The following MBD5 variants were observed in gnomAD, a reference collection of about 807,000 sequenced individuals.
MBD5 encodes methyl-CpG binding domain protein 5, also known as methyl-CpG-binding domain protein 5.
A neutral mutation model predicts 117.3 loss-of-function variants in MBD5; 13 were observed. That is an observed-to-expected ratio of 0.11 (90% CI 0.07 to 0.18). MBD5 has a LOEUF of 0.18. Ranked by LOEUF, MBD5 falls within the 10% of genes least tolerant of loss-of-function variation. The pLI, the probability that MBD5 is intolerant of heterozygous loss-of-function variation, is 1.00. For missense variants in MBD5, 1,879 were observed against 2,093.8 expected (o/e 0.90, Z 2.00); for synonymous variants, 727 against 766.4 (o/e 0.95, Z 0.85).
intron 4 of MBD5, among the ~76,000 whole-genome samples, chr2:148,366,678 C>A (rs910761110): frequency 6.6e-6 from 1 of 152,022 alleles, no homozygotes; most frequent in African/African-American, 2.4e-5. Flanking sequence ...TCCTATACAC[C>A]AATAATAAAC....
intron 1 of MBD5, among the ~76,000 whole-genome samples, chr2:148,057,415 G>GT (rs915480375): frequency 3.3e-5 from 5 of 149,528 alleles, no homozygotes; most frequent in African/African-American, 9.8e-5. Flanking sequence ...TAAGGTTTTT[G>GT]TTTTTTTTAG....
At chr2:148,460,094 C>A (rs1386542146) in intron 5 of MBD5, 4 of 152,086 alleles carry the variant, frequency 2.6e-5, no homozygotes, top group Non-Finnish European at 5.9e-5. Flanking sequence ...AGCAAGTTAT[C>A]TGTGTTATAT....
rs767622325 is a variant in MBD5 at position 148,468,523 on chromosome 2, C to T, written c.580C>T (p.Leu194Phe). Residue 194 changes from leucine to phenylalanine, a missense_variant, in exon 8 of 14, where the codon CTC (leucine) becomes TTC (phenylalanine). By Grantham distance (22) the Leu-to-Phe change is conservative. Transcript: ENST00000642680. Reference sequence around the variant, plus strand: ...ACTGCCTGGAAGCCAACAACAAGAACTCCACCCTGTCTACCCCCGACAGAG... The same window carrying T: ...ACTGCCTGGAAGCCAACAACAAGAATTCCACCCTGTCTACCCCCGACAGAG... ...QELPGSQQQE[L>F]HPVYPRQRLG... 1 of 1,613,908 alleles carries T rather than the reference C, an allele frequency of 6.2e-7. No individual in the cohort carries two copies. The highest frequency in any genetic ancestry group is 8.5e-7 in the Non-Finnish European group (1 of 1,179,886).
chr2:148,118,354 A>G (rs1162022326), intron 1 of MBD5, among the ~76,000 whole-genome samples: 1 of 152,058 alleles, frequency 6.6e-6, no homozygotes, highest in Non-Finnish European at 1.5e-5. Context: ...TCATGCATGC[A>G]GTCCCATCTA....
chr2:148,279,548 C>T (rs1329105685), intron 3 of MBD5, among the ~76,000 whole-genome samples: 1 of 152,190 alleles, frequency 6.6e-6, no homozygotes, highest in Non-Finnish European at 1.5e-5. Context: ...CTGAGTATCC[C>T]TTCATCCAGT....
At chr2:148,145,500 T>C (rs575235919) in intron 1 of MBD5, among the ~76,000 whole-genome samples, 309 of 152,300 alleles carry the variant, frequency 2.0e-3, no homozygotes, top group African/African-American at 6.9e-3. Context: ...ATAGGAGTGG[T>C]GAGAGAGGGC....
At chr2:148,328,522 G>C (rs977329704) in intron 3 of MBD5, among the ~76,000 whole-genome samples, 2 of 152,246 alleles carry the variant, frequency 1.3e-5, no homozygotes, top group East Asian at 1.9e-4. Flanking sequence ...CTCCGACCCA[G>C]GTGCAGGATA....
intron 1 of MBD5, among the ~76,000 whole-genome samples, chr2:148,079,879 AACAACAAC>A (rs1463524220): frequency 3.8e-5 from 2 of 52,164 alleles, no homozygotes; most frequent in African/African-American, 1.1e-4. Context: ...CAACAACAAC[AACAACAAC>A]AACAACAACA....
At chr2:148,290,049 G>A (rs1186967279) in intron 3 of MBD5, among the ~76,000 whole-genome samples, 1 of 147,142 alleles carries the variant, frequency 6.8e-6, no homozygotes, top group African/African-American at 2.5e-5. Flanking sequence ...TCTACCTCCT[G>A]AACTCAAGCA....
chr2:148,092,249 C>T (rs566264579), intron 1 of MBD5, among the ~76,000 whole-genome samples: 3 of 152,234 alleles, frequency 2.0e-5, no homozygotes, highest in South Asian at 2.1e-4. Context: ...TGGAAAACAG[C>T]GTGGAGATTC....
chr2:148,276,257 C>T (rs571913654), intron 3 of MBD5, among the ~76,000 whole-genome samples: 131 of 152,154 alleles, frequency 8.6e-4, no homozygotes, highest in African/African-American at 3.1e-3. Flanking sequence ...GAGTTGAAAG[C>T]TGCAGTAAGC....
chr2:148,332,206 G>A (rs908860171), intron 3 of MBD5, among the ~76,000 whole-genome samples: 2 of 151,880 alleles, frequency 1.3e-5, no homozygotes, highest in African/African-American at 4.8e-5. Context: ...ACTGCCACAA[G>A]CACACCATCA....
intron 1 of MBD5, among the ~76,000 whole-genome samples, chr2:148,086,373 T>C (rs953570829): frequency 1.3e-5 from 2 of 152,176 alleles, no homozygotes; most frequent in African/African-American, 4.8e-5. Flanking sequence ...AATTTGCATA[T>C]CAGTTTTGTC....
intron 1 of MBD5, among the ~76,000 whole-genome samples, chr2:148,113,315 TA>T (rs1349897794): frequency 1.3e-5 from 2 of 152,234 alleles, no homozygotes; most frequent in African/African-American, 4.8e-5. Context: ...TGTGTAACAT[TA>T]GGTGCATTGT....
intron 2 of MBD5, among the ~76,000 whole-genome samples, chr2:148,181,950 CT>C (rs917075769): frequency 2.2e-4 from 34 of 151,700 alleles, no homozygotes; most frequent in East Asian, 1.2e-3. Flanking sequence ...ACAGATTGTT[CT>C]TTTTTTTGAA....
intron 2 of MBD5, among the ~76,000 whole-genome samples, chr2:148,205,370 G>A (rs183906127): frequency 3.9e-5 from 6 of 152,172 alleles, no homozygotes; most frequent in Admixed American, 1.3e-4. Context: ...GATTACAGGC[G>A]TGGACTAATT....
intron 3 of MBD5, among the ~76,000 whole-genome samples, chr2:148,251,386 T>G (rs543185514): frequency 6.6e-6 from 1 of 152,338 alleles, no homozygotes; most frequent in African/African-American, 2.4e-5. Flanking sequence ...CCATGCATTA[T>G]GGGCTTACCT....
At chr2:148,067,455 A>G (rs1230389335) in intron 1 of MBD5, among the ~76,000 whole-genome samples, 1 of 152,212 alleles carries the variant, frequency 6.6e-6, no homozygotes, top group African/African-American at 2.4e-5. Flanking sequence ...AATTTTCTTA[A>G]GTTCTGATAC....
intron 2 of MBD5, among the ~76,000 whole-genome samples, chr2:148,185,142 A>G (rs1698623208): frequency 6.6e-6 from 1 of 152,224 alleles, no homozygotes; most frequent in Non-Finnish European, 1.5e-5. Flanking sequence ...AGTCAAAAGC[A>G]GAACTCCAAT....
Sources: gnomAD v4.1 joint callset for allele counts (sites outside exome capture counted in the v4.1 genomes callset) on GRCh38, gnomAD v4.1.1 for gene constraint, MANE v1.5 for transcripts, NCBI Gene and HGNC (gene_info 2026-07-23, HGNC 2026-07-21) for gene names.